ITSN2: variants seen among roughly 807,000 people sequenced by gnomAD.
ITSN2 encodes the protein intersectin 2, also known as intersectin-2.
Under a neutral mutation model 243.7 loss-of-function variants are expected in ITSN2, and 156 were observed. The ratio of observed to expected loss-of-function variants is 0.64; its 90% CI spans 0.56 to 0.73. The LOEUF (loss-of-function observed/expected upper bound fraction) is 0.73, where lower values mean the gene tolerates loss of function less well. Among genes scored for constraint, ITSN2 ranks in the 30% least tolerant of loss-of-function variants. ITSN2 has a pLI of 0.00. For missense variants in ITSN2, 1,801 were observed against 1,996.1 expected (o/e 0.90, Z 1.86); for synonymous variants, 703 against 699.9 (o/e 1.00, Z -0.07).
rs1363175077 is a variant in ITSN2, at chr2:24,310,651, G to T, written c.394C>A (p.Pro132Thr). The T allele has an allele frequency of 6.2e-7, 1 of 1,613,996 alleles. No homozygotes were observed. Among genetic ancestry groups the T allele is most frequent in the East Asian group, 2.2e-5 (1 of 44,890 alleles). ...MPNLSIPQPL[P>T]PAAPITSLSS... The stretch of plus-strand genomic sequence containing the variant: ...AATGATGTTATAGGTGCAGCTGGAG[G>T]CAATGGCTGAGGAATGGACAGATTG... Residue 132 changes from proline (P) to threonine (T), a missense_variant, in exon 6 of 40, where the codon CCT becomes ACT. This residue lies in a region of ITSN2 where 787 missense variants were observed against 803.9 expected (regional missense o/e 0.98). Transcript: ENST00000355123.
At chr2:24,297,028 T>C (rs531659328) in intron 13 of ITSN2, among the ~76,000 whole-genome samples, 15 of 152,050 alleles carry the variant, frequency 9.9e-5, no homozygotes, top group East Asian at 7.7e-4. Context: ...CCATTATATA[T>C]AGTCAAGATG....
Position 24,217,027 on chromosome 2 carries a change from C to T in ITSN2, c.3807-795G>A, listed in dbSNP as rs533941355. Among the ~76,000 whole-genome samples the T allele has an allele frequency of 2.9e-3, 426 of 145,626 alleles. 1 individual carries two copies. Among genetic ancestry groups the T allele is most frequent in the Non-Finnish European group, 5.0e-3 (334 of 66,744 alleles). Reference sequence around the variant, plus strand: ...TGAACCCGGGAGGCGGAGCTGGCAGCGAGCCGAGATCGCGCCACTGCACTC... The same window carrying T: ...TGAACCCGGGAGGCGGAGCTGGCAGTGAGCCGAGATCGCGCCACTGCACTC... On this transcript the variant is annotated intron_variant, in intron 31 of 39. Transcript: ENST00000355123.
chr2:24,355,252 C>T (rs1416440387), intron 1 of ITSN2, among the ~76,000 whole-genome samples: 1 of 152,184 alleles, frequency 6.6e-6, no homozygotes, highest in Non-Finnish European at 1.5e-5. Flanking sequence ...TTCTGATGTA[C>T]CTTCAACTTT....
At chr2:24,237,159 T>C (rs1266930271) in intron 29 of ITSN2, among the ~76,000 whole-genome samples, 1 of 152,168 alleles carries the variant, frequency 6.6e-6, no homozygotes, top group African/African-American at 2.4e-5. Flanking sequence ...AATTATCTAA[T>C]CTGTTTTAAT....
At chr2:24,258,872 T>C (rs1009477191) in intron 22 of ITSN2, among the ~76,000 whole-genome samples, 4 of 152,222 alleles carry the variant, frequency 2.6e-5, no homozygotes, top group African/African-American at 9.6e-5. Flanking sequence ...TCTTGATCTC[T>C]AAACAGCTAA....
chr2:24,217,354 G>A (rs1039594606), intron 31 of ITSN2, among the ~76,000 whole-genome samples: 1 of 152,154 alleles, frequency 6.6e-6, no homozygotes, highest in Non-Finnish European at 1.5e-5. Flanking sequence ...CTTGTTCTTG[G>A]TTGAACCAAG....
At position 24,274,797 on chromosome 2, in the gene ITSN2, C is replaced by G. The variant is rs140675925; in HGVS notation, c.2081+916G>C. ...TCCTTGCCTCCCTAGTAACTATTAG[C>G]TTTTTCATAGAAATTACTCATCTAC... On this transcript the variant is annotated intron_variant, in intron 18 of 39. Coordinates refer to ENST00000355123, the MANE Select transcript of ITSN2 (RefSeq NM_006277.3). Among the ~76,000 whole-genome samples, 46 of 152,240 alleles carry G rather than the reference C, an allele frequency of 3.0e-4. No individual in the cohort carries two copies. In the East Asian group the frequency reaches 8.3e-3, roughly 27 times the overall value.
At chr2:24,284,916 G>C in intron 16 of ITSN2, 73 bp from the exon 17 acceptor site, 1 of 479,890 alleles carries the variant, frequency 2.1e-6, no homozygotes, top group Non-Finnish European at 3.4e-6. Flanking sequence ...TTTTTTTTTT[G>C]AGATGGAGTC....
At chr2:24,272,646 G>A (rs1677510931) in intron 18 of ITSN2, among the ~76,000 whole-genome samples, 1 of 152,034 alleles carries the variant, frequency 6.6e-6, no homozygotes, top group African/African-American at 2.4e-5. Flanking sequence ...ATGTTGCCCA[G>A]TCTGGTCTGG....
intron 36 of ITSN2, among the ~76,000 whole-genome samples, chr2:24,208,632 C>A (rs9917315): frequency 0.18 from 27,354 of 152,166 alleles, 3,104 homozygotes; most frequent in Non-Finnish European, 0.26. Context: ...AGCAGCAGCA[C>A]CCCCCGGGTT....
intron 17 of ITSN2, among the ~76,000 whole-genome samples, chr2:24,279,162 A>C (rs1678429110): frequency 1.3e-5 from 2 of 152,176 alleles, no homozygotes; most frequent in African/African-American, 2.4e-5. Context: ...CTGTATGTTA[A>C]ATCATCTTTG....
Position 24,270,747 on chromosome 2 carries a change from A to T in ITSN2, c.2279T>A (p.Val760Glu), listed in dbSNP as rs751870106. The part of the protein sequence containing the change: ...EKKRETASVL[V>E]NYRALYPFEA... Reference sequence around the variant, plus strand: ...AAAGGGGTATAATGCTCTATAATTCACCAAAACACTAGCTGTCTCACCTAA... The same window carrying T: ...AAAGGGGTATAATGCTCTATAATTCTCCAAAACACTAGCTGTCTCACCTAA... Residue 760 changes from valine (V) to glutamate (E), a missense_variant, in exon 20 of 40, where the codon GTG becomes GAG. By Grantham distance (121) the Val-to-Glu change is moderately radical. This residue lies in a region of ITSN2 where 787 missense variants were observed against 803.9 expected (regional missense o/e 0.98). Transcript: ENST00000355123. 16 of 1,591,296 alleles carry T rather than the reference A, an allele frequency of 1.0e-5. No individual in the cohort carries two copies. Among genetic ancestry groups the T allele is most frequent in the Non-Finnish European group, 1.4e-5 (16 of 1,161,492 alleles).
intron 3 of ITSN2, among the ~76,000 whole-genome samples, 186 bp downstream of exon 3, chr2:24,314,946 T>C (rs550465719): frequency 1.3e-5 from 2 of 152,352 alleles, no homozygotes; most frequent in East Asian, 3.8e-4. Flanking sequence ...ATATCCCAAA[T>C]TTAAAACAAC....
intron 15 of ITSN2, among the ~76,000 whole-genome samples, chr2:24,291,662 G>C (rs1362856258): frequency 6.6e-6 from 1 of 151,888 alleles, no homozygotes; most frequent in Non-Finnish European, 1.5e-5. Flanking sequence ...GCTAATTTTT[G>C]TATTTTTAGT....
Position 24,293,716 on chromosome 2 carries a change from A to T in ITSN2, c.1695T>A (p.Ile565=). 1 of 1,252,084 alleles carries T rather than the reference A, an allele frequency of 8.0e-7. No individual in the cohort carries two copies. The highest frequency in any genetic ancestry group is 1.1e-6 in the Non-Finnish European group (1 of 890,190). 77.6% of individuals were successfully genotyped at this position (1,252,084 alleles called of 1,614,324 possible). Residue 565 remains isoleucine, a synonymous_variant, in exon 15 of 40, where the codon ATT becomes ATA. Coordinates refer to ENST00000355123, the MANE Select transcript of ITSN2 (RefSeq NM_006277.3). The part of the protein sequence containing the change: ...VPEKQLLNER[I]KNMQFSNTPD... ...GTGTGTTACTGAACTGCATGTTTTT[A>T]ATTCTTTCATTTAATAATTGCTTCT...
chr2:24,225,429 A>G lies in ITSN2; in HGVS notation c.3578-4363T>C, dbSNP rs1670932984. 6.6e-6 allele frequency among the ~76,000 whole-genome samples: 1 copy of G among 152,148 alleles called. No individual in the cohort carries two copies. The highest frequency in any genetic ancestry group is 2.4e-5 in the African/African-American group (1 of 41,410). On this transcript the variant is annotated intron_variant, in intron 29 of 39. Coordinates refer to ENST00000355123, the MANE Select transcript of ITSN2 (RefSeq NM_006277.3). The surrounding 1 kb of genome is among the most constrained non-coding windows in gnomAD (Gnocchi z 4.2). ...TGCCCGACACTGCTCTCGGGAAGGT[A>G]TCGATGACCTTGGCATTGCCAAGTT... is the stretch of plus-strand genomic sequence containing the variant.
intron 20 of ITSN2, among the ~76,000 whole-genome samples, chr2:24,268,268 C>T (rs1676910345): frequency 6.6e-6 from 1 of 152,206 alleles, no homozygotes; most frequent in South Asian, 2.1e-4. Flanking sequence ...TTAAGTTGAT[C>T]AGACCTTGCC....
At chr2:24,334,255 C>T (rs1183878990) in intron 1 of ITSN2, among the ~76,000 whole-genome samples, 6 of 152,048 alleles carry the variant, frequency 3.9e-5, no homozygotes, top group African/African-American at 7.2e-5. Flanking sequence ...GAGGAGGTTT[C>T]GCCATGTTGG....
intron 29 of ITSN2, among the ~76,000 whole-genome samples, chr2:24,230,358 C>T (rs1033277146): frequency 2.6e-5 from 4 of 152,200 alleles, no homozygotes; most frequent in African/African-American, 7.2e-5. Flanking sequence ...TCATCTTGTG[C>T]TTGGATTACT....
Sources: gnomAD v4.1 joint callset for allele counts (sites outside exome capture counted in the v4.1 genomes callset) on GRCh38, gnomAD v4.1.1 for gene constraint, gnomAD v4.1.1 regional missense constraint, Gnocchi (gnomAD v3.1) non-coding constraint, MANE v1.5 for transcripts, NCBI Gene and HGNC (gene_info 2026-07-23, HGNC 2026-07-21) for gene names.